Variants in NALF1 observed in about 807,000 individuals in gnomAD.
NALF1 encodes the protein NALCN channel auxiliary factor 1.
Under a neutral mutation model 48.4 loss-of-function variants are expected in NALF1, and 3 were observed. That is an observed-to-expected ratio of 0.06 (90% CI 0.03 to 0.16). NALF1 has a LOEUF of 0.16. Ranked by LOEUF, NALF1 falls within the 10% of genes least tolerant of loss-of-function variation. The pLI, the probability that NALF1 is intolerant of heterozygous loss-of-function variation, is 1.00. For synonymous variants in NALF1, 262 were observed against 245.7 expected (o/e 1.07, Z -0.62); for missense variants, 526 against 571.5 (o/e 0.92, Z 0.81).
chr13:107,299,468 TAATA>T (rs201700893), intron 1 of NALF1, among the ~76,000 whole-genome samples: 12,022 of 58,700 alleles, frequency 0.2, 1,313 homozygotes, highest in African/African-American at 0.37. Context: ...ATAATAATAA[TAATA>T]AATAAATAAA....
intron 1 of NALF1, among the ~76,000 whole-genome samples, chr13:107,432,394 G>T (rs1884397333): frequency 6.6e-6 from 1 of 152,180 alleles, no homozygotes; most frequent in African/African-American, 2.4e-5. Context: ...TCTTGGCAAA[G>T]TAGCTCTAGA....
chr13:107,818,437 C>T, intron 1 of NALF1, among the ~76,000 whole-genome samples: 1 of 152,134 alleles, frequency 6.6e-6, no homozygotes, highest in East Asian at 1.9e-4. Flanking sequence ...ATAGCTGCTC[C>T]TATTGGAAGG....
chr13:107,690,572 A>C (rs1418624840), intron 1 of NALF1, among the ~76,000 whole-genome samples: 2 of 152,228 alleles, frequency 1.3e-5, no homozygotes, highest in Non-Finnish European at 2.9e-5. Flanking sequence ...TCATCTTAAA[A>C]TTTAGGAAAT....
chr13:107,571,465 T>C (rs1257094253), intron 1 of NALF1, among the ~76,000 whole-genome samples: 3 of 152,128 alleles, frequency 2.0e-5, no homozygotes, highest in Non-Finnish European at 2.9e-5. Context: ...TGGCTTGGTG[T>C]ACACATGGAG....
intron 1 of NALF1, among the ~76,000 whole-genome samples, chr13:107,657,271 A>G (rs983274079): frequency 3.3e-5 from 5 of 151,970 alleles, no homozygotes; most frequent in Non-Finnish European, 7.4e-5. Context: ...GTGTATATAG[A>G]GAGAGAGAGA....
At chr13:107,262,857 G>A (rs1412082933) in intron 1 of NALF1, among the ~76,000 whole-genome samples, 2 of 150,876 alleles carry the variant, frequency 1.3e-5, no homozygotes, top group East Asian at 2.0e-4. Flanking sequence ...TGGAAATCAA[G>A]GTGAAAAGTC....
chr13:107,250,852 G>A (rs1880685338), intron 1 of NALF1, among the ~76,000 whole-genome samples: 1 of 152,020 alleles, frequency 6.6e-6, no homozygotes, highest in Non-Finnish European at 1.5e-5. Flanking sequence ...GTTCTCGCTG[G>A]TTGTTTGAAA....
At chr13:107,798,770 T>C (rs1268426887) in intron 1 of NALF1, among the ~76,000 whole-genome samples, 3 of 152,208 alleles carry the variant, frequency 2.0e-5, no homozygotes, top group Non-Finnish European at 4.4e-5. Flanking sequence ...GGCTAAGTCT[T>C]TCTAGCTAAG....
chr13:107,847,979 GATATAATATTAT>G (rs1465152357), intron 1 of NALF1, among the ~76,000 whole-genome samples: 1 of 152,188 alleles, frequency 6.6e-6, no homozygotes, highest in Non-Finnish European at 1.5e-5. Flanking sequence ...GAAGAAATCA[GATATAATATTAT>G]TCCACTTTTG....
At chr13:107,824,805 T>C (rs1399302234) in intron 1 of NALF1, among the ~76,000 whole-genome samples, 2 of 152,246 alleles carry the variant, frequency 1.3e-5, no homozygotes, top group African/African-American at 2.4e-5. Context: ...TCAGTGAGTA[T>C]GGACTGGGCT....
intron 1 of NALF1, among the ~76,000 whole-genome samples, chr13:107,491,284 A>C (rs926072743): frequency 1.3e-5 from 2 of 152,250 alleles, no homozygotes; most frequent in Non-Finnish European, 2.9e-5. Flanking sequence ...TGACTTTGTC[A>C]GTTACAAGAT....
intron 1 of NALF1, among the ~76,000 whole-genome samples, chr13:107,414,862 G>C (rs16970087): frequency 0.02 from 2,964 of 151,972 alleles, 103 homozygotes; most frequent in African/African-American, 0.067. Flanking sequence ...AGAAGTGGGA[G>C]TCATAAATAT....
At chr13:107,697,626 T>A (rs1020052928) in intron 1 of NALF1, among the ~76,000 whole-genome samples, 5 of 152,110 alleles carry the variant, frequency 3.3e-5, no homozygotes, top group Admixed American at 6.5e-5. Flanking sequence ...TACCTTTTAT[T>A]TATCAAGTAA....
intron 1 of NALF1, among the ~76,000 whole-genome samples, chr13:107,338,952 G>T (rs1479290879): frequency 6.6e-6 from 1 of 151,978 alleles, no homozygotes; most frequent in African/African-American, 2.4e-5. Context: ...CTAACACGGT[G>T]AAACCCCGTC....
At chr13:107,798,223 T>C (rs1878493426) in intron 1 of NALF1, among the ~76,000 whole-genome samples, 1 of 152,172 alleles carries the variant, frequency 6.6e-6, no homozygotes, top group Non-Finnish European at 1.5e-5. Context: ...CCAATTTTAG[T>C]TTTGTGTATT....
At chr13:107,444,512 T>A (rs1884616386) in intron 1 of NALF1, among the ~76,000 whole-genome samples, 2 of 152,272 alleles carry the variant, frequency 1.3e-5, no homozygotes, top group East Asian at 3.9e-4. Context: ...AGAGTTGGAA[T>A]AATGCAAAAA....
intron 1 of NALF1, among the ~76,000 whole-genome samples, chr13:107,410,041 T>C (rs1007012686): frequency 1.3e-5 from 2 of 152,332 alleles, no homozygotes; most frequent in Non-Finnish European, 2.9e-5. Flanking sequence ...TGGTGAACCA[T>C]CAGCTCTCAA....
At chr13:107,758,228 A>G (rs1324630007) in intron 1 of NALF1, among the ~76,000 whole-genome samples, 7 of 152,194 alleles carry the variant, frequency 4.6e-5, no homozygotes, top group Non-Finnish European at 1.0e-4. Flanking sequence ...TTATTCCTCC[A>G]TACACGACTA....
chr13:107,819,958 C>T (rs80117453), intron 1 of NALF1, among the ~76,000 whole-genome samples: 8,740 of 152,192 alleles, frequency 0.057, 318 homozygotes, highest in East Asian at 0.13. Flanking sequence ...TCTTCTCCAA[C>T]GATGTATTCA....
Sources: allele counts gnomAD v4.1 joint callset (sites outside exome capture counted in the v4.1 genomes callset), GRCh38; gene constraint gnomAD v4.1.1; transcripts MANE v1.5; gene names NCBI Gene and HGNC (gene_info 2026-07-23, HGNC 2026-07-21).